Variants in APBB1IP observed in about 807,000 individuals in gnomAD.
The protein encoded by APBB1IP is amyloid beta precursor protein binding family B member 1 interacting protein.
A neutral mutation model predicts 64.9 loss-of-function variants in APBB1IP; 27 were observed. The ratio of observed to expected loss-of-function variants is 0.42; its 90% CI spans 0.31 to 0.57. The LOEUF is 0.57. Among genes scored for constraint, APBB1IP ranks in the 20% least tolerant of loss-of-function variants. APBB1IP has a pLI of 0.20. For synonymous variants in APBB1IP, 392 were observed against 331.0 expected (o/e 1.18, Z -2.00); for missense variants, 812 against 845.5 (o/e 0.96, Z 0.49).
Position 26,567,374 on chromosome 10 carries a change from G to T in APBB1IP, c.1887G>T (p.Val629=), listed in dbSNP as rs1369744361. ...CCGCGGTGGCCAAGAGGCCTCCTGT[G>T]CCCCCCAAGAGGCAAGAGAACCCAG... is the stretch of plus-strand genomic sequence containing the variant. ...PPPAVAKRPP[V]PPKRQENPGH... is the part of the protein sequence containing the mutation. The change falls in exon 15 of 15, where the codon GTG becomes GTT. Residue 629 remains valine (V), a synonymous_variant. Coordinates refer to ENST00000376236, the MANE Select transcript of APBB1IP (RefSeq NM_019043.4). The T allele has an allele frequency of 6.4e-7, 1 of 1,569,116 alleles. No individual in the cohort carries two copies. Among genetic ancestry groups the T allele is most frequent in the African/African-American group, 1.4e-5 (1 of 73,522 alleles).
chr10:26,488,891 G>C (rs553440956), intron 2 of APBB1IP, among the ~76,000 whole-genome samples: 1 of 152,114 alleles, frequency 6.6e-6, no homozygotes, highest in East Asian at 1.9e-4. Flanking sequence ...TCACTGAGTG[G>C]CTTCCTTGGA....
At chr10:26,468,281 T>C (rs938503074) in intron 2 of APBB1IP, among the ~76,000 whole-genome samples, 1 of 152,254 alleles carries the variant, frequency 6.6e-6, no homozygotes, top group African/African-American at 2.4e-5. Context: ...TTTTATAAAA[T>C]TATTGTTACA....
intron 2 of APBB1IP, among the ~76,000 whole-genome samples, chr10:26,464,876 G>A (rs2132409325): frequency 6.6e-6 from 1 of 152,228 alleles, no homozygotes; most frequent in Non-Finnish European, 1.5e-5. Flanking sequence ...GATACAGCAG[G>A]GCCCCAACAG....
intron 8 of APBB1IP, among the ~76,000 whole-genome samples, chr10:26,529,367 C>T (rs1836519454): frequency 6.6e-6 from 1 of 152,204 alleles, no homozygotes; most frequent in South Asian, 2.1e-4. Context: ...CACAGATTTG[C>T]TTTGTGTTTT....
intron 6 of APBB1IP, among the ~76,000 whole-genome samples, chr10:26,509,249 A>G (rs1249712924): frequency 6.6e-6 from 1 of 152,218 alleles, no homozygotes; most frequent in Non-Finnish European, 1.5e-5. Context: ...ACAGGGAAAA[A>G]GCAACTATCC....
chr10:26,549,309 G>T (rs1836802969), intron 11 of APBB1IP, among the ~76,000 whole-genome samples: 1 of 152,088 alleles, frequency 6.6e-6, no homozygotes, highest in Non-Finnish European at 1.5e-5. Flanking sequence ...GTCCATGTTT[G>T]GTTTTGGAAT....
At chr10:26,482,816 AC>A (rs539990342) in intron 2 of APBB1IP, among the ~76,000 whole-genome samples, 21 of 152,058 alleles carry the variant, frequency 1.4e-4, no homozygotes, top group African/African-American at 5.1e-4. Flanking sequence ...GGGTAAAAAA[AC>A]AACAGTCCCT....
intron 4 of APBB1IP, 129 bp downstream of exon 4, chr10:26,496,520 G>C (rs2132433948): frequency 1.4e-6 from 1 of 734,736 alleles, no homozygotes; most frequent in African/African-American, 1.8e-5. Context: ...TAAAATCATG[G>C]ATTTCAGACT....
chr10:26,540,169 T>C (rs1836679800), intron 10 of APBB1IP, among the ~76,000 whole-genome samples: 1 of 152,214 alleles, frequency 6.6e-6, no homozygotes, highest in African/African-American at 2.4e-5. Flanking sequence ...TCATCTGTAG[T>C]AGAATAGTTA....
chr10:26,532,051 G>T (rs1421820322), intron 8 of APBB1IP, among the ~76,000 whole-genome samples: 9 of 152,300 alleles, frequency 5.9e-5, no homozygotes, highest in East Asian at 5.8e-4. Context: ...AGAGATTCCA[G>T]TGTAGCCCAG....
At chr10:26,502,038 G>A (rs1263017361) in intron 5 of APBB1IP, 1 of 152,148 alleles carries the variant, frequency 6.6e-6, no homozygotes, top group Non-Finnish European at 1.5e-5. Flanking sequence ...AGATTTCGAG[G>A]GGGCCATGCA....
chr10:26,532,777 A>T (rs787054), intron 8 of APBB1IP, among the ~76,000 whole-genome samples: 97,567 of 152,106 alleles, frequency 0.64, 31,616 homozygotes, highest in East Asian at 0.87. Context: ...GGCATGAGCC[A>T]CACCCAGACT....
At chr10:26,519,464 G>C (rs933147684) in intron 8 of APBB1IP, among the ~76,000 whole-genome samples, 1 of 152,068 alleles carries the variant, frequency 6.6e-6, no homozygotes, top group African/African-American at 2.4e-5. Context: ...GAGAGAGAAG[G>C]GGCATGCAAC....
intron 4 of APBB1IP, among the ~76,000 whole-genome samples, chr10:26,498,529 C>T (rs1836057134): frequency 6.6e-6 from 1 of 152,114 alleles, no homozygotes; most frequent in Non-Finnish European, 1.5e-5. Flanking sequence ...AAATGCTATA[C>T]ACTTTAGTAA....
rs761355449 is a variant in APBB1IP, at chr10:26,567,317, C to A, written c.1830C>A (p.Pro610=). ...PPPPPPPAPA[P]APVPDSARPP... ...CGCCGCCGCCGCCCGCGCCCGCGCC[C>A]GCCCCCGTCCCCGACTCCGCCAGGC... Residue 610 remains proline (P), a synonymous_variant, in exon 15 of 15, where the codon CCC becomes CCA. Coordinates refer to ENST00000376236, the MANE Select transcript of APBB1IP (RefSeq NM_019043.4). 4.9e-6 allele frequency: 6 copies of A among 1,220,392 alleles called. No homozygotes were observed. The South Asian group carries it at 1.0e-4, about 21-fold the overall frequency. 75.6% of individuals were successfully genotyped at this position (1,220,392 alleles called of 1,614,324 possible). A position where few individuals can be genotyped will look rare whatever the true frequency, so the allele number is the denominator to read the frequency against.
At position 26,567,322 on chromosome 10, in the gene APBB1IP, C is replaced by G; in HGVS notation, c.1835C>G (p.Pro612Arg). ...PPPPPAPAPA[P>R]VPDSARPPPA... ...CCGCCGCCCGCGCCCGCGCCCGCCCCCGTCCCCGACTCCGCCAGGCCGCCC... is the reference window on the plus strand; with the variant it reads ...CCGCCGCCCGCGCCCGCGCCCGCCCGCGTCCCCGACTCCGCCAGGCCGCCC... The change falls in exon 15 of 15, where the codon CCC (proline) becomes CGC (arginine). Residue 612 changes from proline to arginine, a missense_variant. This residue lies in a region of APBB1IP where 381 missense variants were observed against 352.1 expected (regional missense o/e 1.08). Coordinates refer to ENST00000376236, the MANE Select transcript of APBB1IP (RefSeq NM_019043.4). 7.9e-7 allele frequency: 1 copy of G among 1,272,356 alleles called. No homozygotes were observed. Among genetic ancestry groups the G allele is most frequent in the South Asian group, 1.5e-5 (1 of 67,166 alleles). The allele number at this position is 1,272,356 out of a possible 1,614,324, so 78.8% of individuals were successfully genotyped here.
intron 2 of APBB1IP, among the ~76,000 whole-genome samples, chr10:26,448,005 A>G (rs1835420507): frequency 6.6e-6 from 1 of 152,150 alleles, no homozygotes; most frequent in African/African-American, 2.4e-5. Flanking sequence ...CTCTGGATCA[A>G]ATGATTATTT....
At chr10:26,472,988 G>C (rs1159781846) in intron 2 of APBB1IP, among the ~76,000 whole-genome samples, 1 of 151,860 alleles carries the variant, frequency 6.6e-6, no homozygotes, top group East Asian at 1.9e-4. Context: ...TATTCATAGA[G>C]GTACATATCA....
At chr10:26,510,126 C>G (rs10829013) in intron 6 of APBB1IP, among the ~76,000 whole-genome samples, 30,473 of 152,054 alleles carry the variant, frequency 0.2, 3,094 homozygotes, top group East Asian at 0.32. Flanking sequence ...CATGCCACCA[C>G]GCCTGGCTAA....
Sources: gnomAD v4.1 joint callset for allele counts (sites outside exome capture counted in the v4.1 genomes callset) on GRCh38, gnomAD v4.1.1 for gene constraint, gnomAD v4.1.1 regional missense constraint, MANE v1.5 for transcripts, NCBI Gene and HGNC (gene_info 2026-07-23, HGNC 2026-07-21) for gene names.